Variants in ZFAND3 observed in about 807,000 individuals in gnomAD.
The protein encoded by ZFAND3 is AN1-type zinc finger protein 3.
Under a neutral mutation model 29.6 loss-of-function variants are expected in ZFAND3, and 10 were observed. That is an observed-to-expected ratio of 0.34 (90% CI 0.21 to 0.57). The LOEUF (loss-of-function observed/expected upper bound fraction) is 0.57. ZFAND3 is among the 20% of genes least tolerant of loss of function. ZFAND3 has a pLI of 0.86. For synonymous variants in ZFAND3, 128 were observed against 112.6 expected (o/e 1.14, Z -0.87); for missense variants, 230 against 304.5 (o/e 0.76, Z 1.82).
At chr6:37,832,388 A>G (rs1343864198) in intron 1 of ZFAND3, among the ~76,000 whole-genome samples, 2 of 152,190 alleles carry the variant, frequency 1.3e-5, no homozygotes, top group African/African-American at 2.4e-5. Flanking sequence ...AACTCTAGAT[A>G]TGAAAGGTCA....
At chr6:37,990,231 G>C (rs1762735813) in intron 2 of ZFAND3, among the ~76,000 whole-genome samples, 1 of 152,170 alleles carries the variant, frequency 6.6e-6, no homozygotes, top group African/African-American at 2.4e-5. Context: ...AATACTTTGA[G>C]AATCACTGGC....
intron 3 of ZFAND3, among the ~76,000 whole-genome samples, chr6:38,063,614 A>G (rs568888345): frequency 6.6e-6 from 1 of 152,250 alleles, no homozygotes; most frequent in Non-Finnish European, 1.5e-5. Context: ...GAGACATACT[A>G]GACAGAGTAG....
At chr6:38,025,025 T>C (rs1763421813) in intron 2 of ZFAND3, among the ~76,000 whole-genome samples, 1 of 152,256 alleles carries the variant, frequency 6.6e-6, no homozygotes, top group South Asian at 2.1e-4. Flanking sequence ...TTAAATCCTT[T>C]AATATATCTG....
At chr6:38,101,631 G>A (rs992515475) in intron 4 of ZFAND3, among the ~76,000 whole-genome samples, 3 of 151,790 alleles carry the variant, frequency 2.0e-5, no homozygotes, top group East Asian at 1.9e-4. Flanking sequence ...AAAATTACCC[G>A]GGCATGGTGG....
Position 37,856,950 on chromosome 6 carries a change from C to CA in ZFAND3, c.71+36934_71+36935insA, listed in dbSNP as rs569963178. Among the ~76,000 whole-genome samples the CA allele has an allele frequency of 5.8e-3, 864 of 147,994 alleles. 7 individuals are homozygous for CA. The highest frequency in any genetic ancestry group is 0.021 in the African/African-American group (827 of 40,218). On this transcript the variant is annotated intron_variant, in intron 1 of 5. Coordinates refer to ENST00000287218, the MANE Select transcript of ZFAND3 (RefSeq NM_021943.3). ...TATTATTTATTGTTTAACTCTTGAC[C>CA]TTTTTTTTTTTGAGACAAGATCTCA... is the stretch of plus-strand genomic sequence containing the variant.
intron 1 of ZFAND3, among the ~76,000 whole-genome samples, chr6:37,864,144 T>A (rs1764542482): frequency 6.6e-6 from 1 of 152,190 alleles, no homozygotes. Flanking sequence ...TTTGGCTGAA[T>A]TGCTCTGTAA....
intron 4 of ZFAND3, among the ~76,000 whole-genome samples, chr6:38,114,970 C>G (rs893183934): frequency 1.1e-4 from 17 of 152,154 alleles, no homozygotes; most frequent in African/African-American, 4.1e-4. Flanking sequence ...AAAAGGGAAA[C>G]AGACGAGGGG....
rs140365205 is a variant in ZFAND3 at position 38,123,657 on chromosome 6, T to C, written c.529+6918T>C. Among the ~76,000 whole-genome samples, 279 of 152,240 alleles carry C rather than the reference T, an allele frequency of 1.8e-3. 2 individuals are homozygous for C. Among genetic ancestry groups the C allele is most frequent in the African/African-American group, 6.4e-3 (264 of 41,538 alleles). ...AGTGTATCCATCTGGGTCACCAAAA[T>C]GTGTCCGGAATTGGTGGGTTCTTGG... is the stretch of plus-strand genomic sequence containing the variant. On this transcript the variant is annotated intron_variant, in intron 5 of 5. Coordinates refer to ENST00000287218, the MANE Select transcript of ZFAND3 (RefSeq NM_021943.3).
chr6:37,874,395 A>AT (rs1033018323), intron 1 of ZFAND3, among the ~76,000 whole-genome samples: 2 of 151,636 alleles, frequency 1.3e-5, no homozygotes, highest in African/African-American at 4.9e-5. Flanking sequence ...CATGCCTGTA[A>AT]TCCCAGCTAC....
At chr6:37,857,379 C>T (rs1764404116) in intron 1 of ZFAND3, among the ~76,000 whole-genome samples, 1 of 151,876 alleles carries the variant, frequency 6.6e-6, no homozygotes, top group Non-Finnish European at 1.5e-5. Context: ...ACAAGTGAGT[C>T]TGAAAAACAT....
chr6:38,069,992 A>G (rs1453279645), intron 3 of ZFAND3, among the ~76,000 whole-genome samples: 3 of 152,252 alleles, frequency 2.0e-5, no homozygotes, highest in Non-Finnish European at 2.9e-5. Context: ...ACAGGTTTAG[A>G]TAGAATAGAA....
chr6:38,002,655 A>G (rs1255002979), intron 2 of ZFAND3, among the ~76,000 whole-genome samples: 1 of 152,078 alleles, frequency 6.6e-6, no homozygotes, highest in East Asian at 1.9e-4. Context: ...AAAGAGTGAG[A>G]CCCTGTCTCA....
intron 1 of ZFAND3, among the ~76,000 whole-genome samples, chr6:37,888,731 T>C (rs1225052078): frequency 6.6e-6 from 1 of 152,212 alleles, no homozygotes; most frequent in African/African-American, 2.4e-5. Flanking sequence ...TATAGATCTC[T>C]TTCTCTTTGA....
chr6:38,047,095 T>C (rs770397747), intron 2 of ZFAND3, among the ~76,000 whole-genome samples: 6 of 152,018 alleles, frequency 3.9e-5, no homozygotes, highest in Non-Finnish European at 8.8e-5. Context: ...GGTATGCGGA[T>C]CACTTGAGGT....
At chr6:38,012,790 G>A (rs548004772) in intron 2 of ZFAND3, among the ~76,000 whole-genome samples, 41 of 152,194 alleles carry the variant, frequency 2.7e-4, no homozygotes, top group Non-Finnish European at 4.1e-4. Flanking sequence ...CATCAGCCTC[G>A]GCCACCCTCT....
chr6:37,936,803 GGTTT>G (rs1761706373), intron 2 of ZFAND3, among the ~76,000 whole-genome samples: 1 of 152,126 alleles, frequency 6.6e-6, no homozygotes, highest in African/African-American at 2.4e-5. Context: ...ATCTAGAAGT[GGTTT>G]GTTTCTTTCT....
intron 2 of ZFAND3, among the ~76,000 whole-genome samples, chr6:38,017,426 A>G (rs1581842390): frequency 6.6e-6 from 1 of 152,324 alleles, no homozygotes; most frequent in Non-Finnish European, 1.5e-5. Flanking sequence ...TAGTGTGCCC[A>G]GTGAGCCATG....
intron 2 of ZFAND3, among the ~76,000 whole-genome samples, chr6:38,017,384 G>A (rs915776269): frequency 6.6e-6 from 1 of 152,178 alleles, no homozygotes; most frequent in Admixed American, 6.5e-5. Context: ...TCCATTCCAC[G>A]ATGACTTCAA....
chr6:38,109,325 G>C (rs1765270675), intron 4 of ZFAND3, among the ~76,000 whole-genome samples: 1 of 152,042 alleles, frequency 6.6e-6, no homozygotes, highest in South Asian at 2.1e-4. Context: ...CAGAACTACA[G>C]GTGTGCGCCA....
Sources: gnomAD v4.1 joint callset for allele counts (sites outside exome capture counted in the v4.1 genomes callset) on GRCh38, gnomAD v4.1.1 for gene constraint, MANE v1.5 for transcripts, NCBI Gene and HGNC (gene_info 2026-07-23, HGNC 2026-07-21) for gene names.